The following RPSA2 variants were observed in gnomAD, a reference collection of about 807,000 sequenced individuals.
RPSA2 encodes small ribosomal subunit protein uS2B.
At chr19:23,830,866 A>T in the RPSA2 span, among the ~76,000 whole-genome samples, 4 of 152,098 alleles carry the variant, frequency 2.6e-5, no homozygotes, top group African/African-American at 9.7e-5. Context: ...TTTGGACATT[A>T]AAAAAAGCTA....
chr19:23,780,609 C>T, the RPSA2 span, among the ~76,000 whole-genome samples: 2 of 151,612 alleles, frequency 1.3e-5, no homozygotes, highest in Admixed American at 6.6e-5. Context: ...TGCCACTGCA[C>T]TCCAGCCTGG....
At chr19:23,832,977 TGAA>T in the RPSA2 span, 1 of 1,469,150 alleles carries the variant, frequency 6.8e-7, no homozygotes, top group Non-Finnish European at 9.1e-7. Flanking sequence ...CCTACAAGTG[TGAA>T]GAATGTGGCA....
the RPSA2 span, chr19:23,832,254 G>C: frequency 2.2e-6 from 1 of 448,634 alleles, no homozygotes; most frequent in South Asian, 1.7e-5. Flanking sequence ...CGTTTACCCA[G>C]TTCTCAACCC....
the RPSA2 span, among the ~76,000 whole-genome samples, chr19:23,760,071 G>A: frequency 2.6e-5 from 4 of 152,130 alleles, no homozygotes; most frequent in African/African-American, 7.2e-5. Flanking sequence ...AATACCCTGT[G>A]AGGGGAGGCC....
At chr19:23,767,260 G>A in the RPSA2 span, among the ~76,000 whole-genome samples, 3 of 151,956 alleles carry the variant, frequency 2.0e-5, no homozygotes, top group Non-Finnish European at 4.4e-5. Flanking sequence ...TGTATTTTTA[G>A]TACATACGGG....
the RPSA2 span, among the ~76,000 whole-genome samples, chr19:23,768,420 C>A: frequency 1.9e-3 from 287 of 150,296 alleles, 1 homozygote; most frequent in African/African-American, 6.5e-3. Context: ...TATCTCTGTT[C>A]TGTATTCTGT....
At chr19:23,790,799 GGA>G in the RPSA2 span, 1 of 542,958 alleles carries the variant, frequency 1.8e-6, no homozygotes, top group Admixed American at 2.8e-5. Flanking sequence ...TCCGACATCT[GGA>G]GAGGGGCAAG....
the RPSA2 span, among the ~76,000 whole-genome samples, chr19:23,815,864 T>G: frequency 6.6e-6 from 1 of 152,222 alleles, no homozygotes; most frequent in Non-Finnish European, 1.5e-5. Context: ...TAGATGGATA[T>G]AATCATTATA....
At chr19:23,810,839 C>T in the RPSA2 span, among the ~76,000 whole-genome samples, 1 of 152,108 alleles carries the variant, frequency 6.6e-6, no homozygotes, top group Non-Finnish European at 1.5e-5. Flanking sequence ...AGAATTCTCA[C>T]TGGAACCAAG....
chr19:23,857,978 A>G, the RPSA2 span, among the ~76,000 whole-genome samples: 1 of 151,952 alleles, frequency 6.6e-6, no homozygotes, highest in Non-Finnish European at 1.5e-5. Flanking sequence ...TAGAATTTAC[A>G]TTCACTGGAG....
chr19:23,758,762 G>C, the RPSA2 span: 1 of 1,614,186 alleles, frequency 6.2e-7, no homozygotes, highest in South Asian at 1.1e-5. Flanking sequence ...CTAGGTTTCC[G>C]GGGGACCTGG....
the RPSA2 span, among the ~76,000 whole-genome samples, chr19:23,803,508 AAC>A: frequency 2.6e-5 from 4 of 152,184 alleles, no homozygotes; most frequent in Non-Finnish European, 4.4e-5. Context: ...AGTAAATATA[AAC>A]ACAACAAAAA....
chr19:23,869,845 G>A, the RPSA2 span, among the ~76,000 whole-genome samples: 1 of 152,188 alleles, frequency 6.6e-6, no homozygotes, highest in Non-Finnish European at 1.5e-5. Flanking sequence ...CAGTCTTAAT[G>A]TCACATTTGT....
At chr19:23,758,927 C>T in the RPSA2 span, 1 of 755,632 alleles carries the variant, frequency 1.3e-6, no homozygotes, top group East Asian at 2.5e-5. Flanking sequence ...GCCCTGTCTG[C>T]TCCAGCTGCA....
At chr19:23,859,312 T>G in the RPSA2 span, among the ~76,000 whole-genome samples, 1 of 152,154 alleles carries the variant, frequency 6.6e-6, no homozygotes, top group South Asian at 2.1e-4. Flanking sequence ...TATGAATAGT[T>G]TAATGGAACA....
At chr19:23,766,225 T>G in the RPSA2 span, among the ~76,000 whole-genome samples, 1 of 135,594 alleles carries the variant, frequency 7.4e-6, no homozygotes, top group Non-Finnish European at 1.5e-5. Context: ...CAGTCTCGGC[T>G]CACTACAACC....
chr19:23,787,608 CA>C, the RPSA2 span, among the ~76,000 whole-genome samples: 1 of 152,028 alleles, frequency 6.6e-6, no homozygotes, highest in East Asian at 1.9e-4. Flanking sequence ...GATTCCATCT[CA>C]AAAAACAAAA....
chr19:23,760,240 CT>C, the RPSA2 span, among the ~76,000 whole-genome samples: 1,120 of 152,268 alleles, frequency 7.4e-3, 7 homozygotes, highest in Non-Finnish European at 0.011. Flanking sequence ...AGCGAGCCCC[CT>C]AACCCCCTCC....
the RPSA2 span, among the ~76,000 whole-genome samples, chr19:23,820,228 A>T: frequency 6.6e-6 from 1 of 152,126 alleles, no homozygotes; most frequent in Non-Finnish European, 1.5e-5. Context: ...CAAATGGCTC[A>T]TGTGATGGCA....
Sources: gnomAD v4.1 joint callset for allele counts (sites outside exome capture counted in the v4.1 genomes callset) on GRCh38, gnomAD v4.1.1 for gene constraint, MANE v1.5 for transcripts, NCBI Gene and HGNC (gene_info 2026-07-23, HGNC 2026-07-21) for gene names.